Variants in MID1 observed in about 807,000 individuals in gnomAD.
MID1 encodes midline 1.
Under a neutral mutation model 40.4 loss-of-function variants are expected in MID1, and 7 were observed. The observed-to-expected ratio is 0.17, with a 90% CI of 0.10 to 0.33. The LOEUF is 0.33. Ranked by LOEUF, MID1 falls within the 10% of genes least tolerant of loss-of-function variation. The pLI, the probability that MID1 is intolerant of heterozygous loss-of-function variation, is 1.00. For missense variants in MID1, 367 were observed against 558.5 expected (o/e 0.66, Z 3.46); for synonymous variants, 229 against 221.2 (o/e 1.04, Z -0.31).
At chrX:10,494,321 T>A (rs1931114339) in intron 4 of MID1, among the ~76,000 whole-genome samples, 1 of 111,963 alleles carries the variant, frequency 8.9e-6, no homozygotes, top group Non-Finnish European at 1.9e-5. Flanking sequence ...CCACATACAT[T>A]AGCCACGGTT....
Position 10,566,947 on chromosome X carries a change from C to T in MID1, c.601G>A (p.Val201Ile), listed in dbSNP as rs1934574827. Reference protein sequence around the residue: ...DQLICALCKLVGRHRDHQVAA... With the variant: ...DQLICALCKLIGRHRDHQVAA... Reference sequence around the variant, plus strand: ...ACCTGATGATCGCGGTGCCGCCCAACCAGTTTACACAAGGCACAGATTAAC... The same window carrying T: ...ACCTGATGATCGCGGTGCCGCCCAATCAGTTTACACAAGGCACAGATTAAC... The change falls in exon 2 of 10, where the codon GTT becomes ATT. Residue 201 changes from valine to isoleucine, a missense_variant. Coordinates refer to ENST00000317552, the MANE Select transcript of MID1 (RefSeq NM_000381.4). The T allele has an allele frequency of 5.8e-6, 7 of 1,211,900 alleles. No individual in the cohort carries two copies. Among genetic ancestry groups the T allele is most frequent in the African/African-American group, 1.7e-5 (1 of 57,787 alleles).
At chrX:10,820,730 C>T (rs755409102) in intron 1 of MID1, among the ~76,000 whole-genome samples, 24 of 111,710 alleles carry the variant, frequency 2.1e-4, no homozygotes, top group African/African-American at 7.5e-4. Flanking sequence ...TTCAGAATTG[C>T]CCACTGGAGT....
At chrX:10,588,838 C>G (rs1464291086) in intron 1 of MID1, among the ~76,000 whole-genome samples, 5 of 111,519 alleles carry the variant, frequency 4.5e-5, no homozygotes, top group Non-Finnish European at 9.4e-5. Context: ...TGTGCCATAC[C>G]TTTGAAACAA....
Position 10,561,628 on chromosome X carries a change from T to C in MID1, c.660+5260A>G, listed in dbSNP as rs767916105. Among the ~76,000 whole-genome samples the C allele has an allele frequency of 2.1e-4, 23 of 107,343 alleles. No individual in the cohort carries two copies. The South Asian group carries it at 5.2e-3, about 24-fold the overall frequency. The allele number at this position is 107,343 out of a possible 115,157, so 93.2% of individuals were successfully genotyped here. On this transcript the variant is annotated intron_variant, in intron 2 of 9. Transcript: ENST00000317552. Reference sequence around the variant, plus strand: ...CAAACATATGAAGAAAAAAAGCTCATCATCACTGGTCATTAGGAAAATGCA... The same window carrying C: ...CAAACATATGAAGAAAAAAAGCTCACCATCACTGGTCATTAGGAAAATGCA...
intron 2 of MID1, among the ~76,000 whole-genome samples, chrX:10,555,956 A>AC (rs1934102749): frequency 9.1e-6 from 1 of 110,098 alleles, no homozygotes; most frequent in African/African-American, 3.3e-5. Flanking sequence ...CAGCTCCTTC[A>AC]CTTCAGCGCT....
At chrX:10,736,276 C>A (rs1395016168) in intron 1 of MID1, among the ~76,000 whole-genome samples, 1 of 112,035 alleles carries the variant, frequency 8.9e-6, no homozygotes, top group Admixed American at 9.5e-5. Flanking sequence ...AAATTGTTAT[C>A]TTTAACTACT....
At chrX:10,479,468 C>T (rs1930200138) in intron 5 of MID1, among the ~76,000 whole-genome samples, 1 of 111,004 alleles carries the variant, frequency 9.0e-6, no homozygotes, top group Non-Finnish European at 1.9e-5. Flanking sequence ...ATTAACCATC[C>T]CTACCCACCC....
At chrX:10,532,120 C>A (rs1030824620) in intron 2 of MID1, among the ~76,000 whole-genome samples, 4 of 111,961 alleles carry the variant, frequency 3.6e-5, no homozygotes, top group African/African-American at 1.3e-4. Context: ...TCTCTGGCAG[C>A]CCTCTCTGCT....
At chrX:10,712,415 A>G (rs1162309609) in intron 1 of MID1, among the ~76,000 whole-genome samples, 3 of 111,313 alleles carry the variant, frequency 2.7e-5, no homozygotes, top group African/African-American at 9.8e-5. Flanking sequence ...GGGACTGGTA[A>G]GGGAAGAACA....
intron 1 of MID1, among the ~76,000 whole-genome samples, chrX:10,745,656 G>A (rs777690024): frequency 5.3e-5 from 6 of 112,685 alleles, no homozygotes; most frequent in African/African-American, 9.7e-5. Context: ...AAGGCAGAGC[G>A]TTATGTTTGT....
chrX:10,452,543 G>A (rs193180911), intron 9 of MID1, among the ~76,000 whole-genome samples: 144 of 111,851 alleles, frequency 1.3e-3, no homozygotes, highest in Admixed American at 7.9e-3. Flanking sequence ...AGATCATAAT[G>A]TACACATCAA....
At chrX:10,641,845 T>C (rs2147565968) in intron 1 of MID1, among the ~76,000 whole-genome samples, 1 of 111,921 alleles carries the variant, frequency 8.9e-6, no homozygotes, top group Non-Finnish European at 1.9e-5. Context: ...ATCCCTGGGA[T>C]GCAAGGCTGG....
intron 1 of MID1, among the ~76,000 whole-genome samples, chrX:10,765,928 GA>G (rs1429952408): frequency 1.4e-5 from 1 of 71,703 alleles, no homozygotes; most frequent in Non-Finnish European, 2.5e-5. Flanking sequence ...AGAAAGAAAG[GA>G]AAGGAAAGGA....
chrX:10,472,429 T>G (rs146401248), intron 6 of MID1, among the ~76,000 whole-genome samples: 1,603 of 112,655 alleles, frequency 0.014, 21 homozygotes, highest in South Asian at 0.029. Flanking sequence ...ACTTTTGCAT[T>G]CCTATAGAGA....
chrX:10,520,551 T>C (rs1932656619), intron 3 of MID1, among the ~76,000 whole-genome samples: 1 of 112,337 alleles, frequency 8.9e-6, no homozygotes, highest in African/African-American at 3.2e-5. Flanking sequence ...AATTACTGCG[T>C]AGACGATCAA....
intron 1 of MID1, among the ~76,000 whole-genome samples, chrX:10,639,444 C>T (rs190551686): frequency 6.7e-4 from 75 of 111,372 alleles, no homozygotes; most frequent in African/African-American, 2.3e-3. Context: ...TGAAATGAAG[C>T]GAAAAGAGAA....
At position 10,449,713 on chromosome X, in the gene MID1, A is replaced by G; in HGVS notation, c.1659T>C (p.Tyr553=). The G allele has an allele frequency of 8.4e-7, 1 of 1,196,702 alleles. No homozygotes were observed. Among genetic ancestry groups the G allele is most frequent in the African/African-American group, 1.7e-5 (1 of 57,449 alleles). Residue 553 remains tyrosine (Y), a synonymous_variant, in exon 10 of 10, where the codon TAT becomes TAC. Coordinates refer to ENST00000317552, the MANE Select transcript of MID1 (RefSeq NM_000381.4). ...WEVVISGSTW[Y]AIGLAYKSAP... Reference sequence around the variant, plus strand: ...CTGATTTGTAAGCAAGACCAATGGCATACCTGCGGAAACAAAACAGCAACA... The same window carrying G: ...CTGATTTGTAAGCAAGACCAATGGCGTACCTGCGGAAACAAAACAGCAACA...
In MID1 at chrX:10,449,342, G is replaced by A. The variant is rs1237937985; in HGVS notation, c.*26C>T. 8.6e-7 allele frequency: 1 copy of A among 1,165,442 alleles called. No homozygotes were observed. Among genetic ancestry groups the A allele is most frequent in the Admixed American group, 2.2e-5 (1 of 45,649 alleles). On this transcript the variant is annotated 3_prime_UTR_variant, in exon 10 of 10. Transcript: ENST00000317552. ...GTGGCCTGAACCTTACTGTTCCCCA[G>A]AAAGCAGCTCCATGTGGCCAGACGC...
rs781543411 is a variant in MID1, at chrX:10,455,532, T to G, written c.1448-455A>C. Among the ~76,000 whole-genome samples the G allele has an allele frequency of 5.4e-5, 6 of 111,607 alleles. No individual in the cohort carries two copies. The South Asian group carries it at 2.3e-3, about 42-fold the overall frequency. ...GCAGCACAGGTACATACTGGCTGGA[T>G]AGCATCCTGAAAAGGAGGAATGAAT... On this transcript the variant is annotated intron_variant, in intron 8 of 9. Transcript: ENST00000317552.
Sources: gnomAD v4.1 joint callset for allele counts (sites outside exome capture counted in the v4.1 genomes callset) on GRCh38, gnomAD v4.1.1 for gene constraint, MANE v1.5 for transcripts, NCBI Gene and HGNC (gene_info 2026-07-23, HGNC 2026-07-21) for gene names.